Variants in PAPSS1 observed in about 807,000 individuals in gnomAD.
The protein encoded by PAPSS1 is 3'-phosphoadenosine 5'-phosphosulfate synthase 1.
In PAPSS1, 50 loss-of-function variants were observed where a neutral mutation model predicts 72.0. The observed-to-expected ratio is 0.69, with a 90% CI of 0.55 to 0.88. The LOEUF (loss-of-function observed/expected upper bound fraction) is 0.88. Among genes scored for constraint, PAPSS1 ranks in the 40% least tolerant of loss-of-function variants. The pLI is 0.00. For synonymous variants in PAPSS1, 261 were observed against 263.6 expected (o/e 0.99, Z 0.09); for missense variants, 657 against 782.2 (o/e 0.84, Z 1.91).
chr4:107,697,001 G>A (rs1472705672), intron 2 of PAPSS1, among the ~76,000 whole-genome samples: 1 of 152,206 alleles, frequency 6.6e-6, no homozygotes, highest in East Asian at 1.9e-4. Context: ...GTGACACGAT[G>A]ATGTGTGACT....
At chr4:107,626,977 C>T (rs968457154) in intron 11 of PAPSS1, among the ~76,000 whole-genome samples, 2 of 152,158 alleles carry the variant, frequency 1.3e-5, no homozygotes, top group African/African-American at 4.8e-5. Flanking sequence ...ATATAGAATT[C>T]ATCTTTGGAA....
intron 11 of PAPSS1, among the ~76,000 whole-genome samples, chr4:107,630,550 A>C (rs959436628): frequency 6.6e-6 from 1 of 152,006 alleles, no homozygotes; most frequent in South Asian, 2.1e-4. Flanking sequence ...AGTCAATTAA[A>C]CCTCTTTTGT....
intron 3 of PAPSS1, among the ~76,000 whole-genome samples, chr4:107,688,455 C>CT (rs1375098395): frequency 6.6e-6 from 1 of 152,132 alleles, no homozygotes; most frequent in Non-Finnish European, 1.5e-5. Flanking sequence ...GATCTTGTCT[C>CT]TAAAAAAATT....
rs1726234826 is a variant in PAPSS1 at position 107,631,924 on chromosome 4, T to C, written c.1507-64A>G. ...TGACTATGTACTTAGAAATAGTAAGTGGATAATAAATGCATATGCTTTTTA... is the reference window on the plus strand; with the variant it reads ...TGACTATGTACTTAGAAATAGTAAGCGGATAATAAATGCATATGCTTTTTA... On this transcript the variant is annotated intron_variant, in intron 10 of 11. Coordinates refer to ENST00000265174, the MANE Select transcript of PAPSS1 (RefSeq NM_005443.5). 5.1e-6 allele frequency: 5 copies of C among 987,932 alleles called. No individual in the cohort carries two copies. In the South Asian group the frequency reaches 7.8e-5, roughly 15 times the overall value. 61.2% of individuals were successfully genotyped at this position (987,932 alleles called of 1,614,324 possible).
chr4:107,639,676 G>A (rs1193718437), intron 10 of PAPSS1, among the ~76,000 whole-genome samples: 1 of 152,108 alleles, frequency 6.6e-6, no homozygotes, highest in Non-Finnish European at 1.5e-5. Context: ...AGAGTCAAAG[G>A]TACAAGTAAA....
In PAPSS1 at chr4:107,717,167, G is replaced by C. The variant is rs182962179; in HGVS notation, c.60+2953C>G. 1.6e-3 allele frequency among the ~76,000 whole-genome samples: 249 copies of C among 151,952 alleles called. 3 individuals carry two copies. The highest frequency in any genetic ancestry group is 5.7e-3 in the African/African-American group (235 of 41,426). The stretch of plus-strand genomic sequence containing the variant: ...ATTAACATTGAAAAAACACTGAAAT[G>C]ATAGCATTTGGGATATAGTAGGTTA... On this transcript the variant is annotated intron_variant, in intron 1 of 11. Coordinates refer to ENST00000265174, the MANE Select transcript of PAPSS1 (RefSeq NM_005443.5).
intron 2 of PAPSS1, among the ~76,000 whole-genome samples, chr4:107,697,420 G>A (rs552014827): frequency 6.6e-6 from 1 of 152,136 alleles, no homozygotes; most frequent in East Asian, 1.9e-4. Context: ...AAGGTTGTTC[G>A]TTATTTCTTT....
At chr4:107,684,822 G>A (rs548081167) in intron 4 of PAPSS1, among the ~76,000 whole-genome samples, 44 of 152,234 alleles carry the variant, frequency 2.9e-4, no homozygotes, top group African/African-American at 2.2e-4. Context: ...GTGCCTCAAC[G>A]ACCTTGGGCA....
At chr4:107,624,237 G>A (rs1240378834) in intron 11 of PAPSS1, among the ~76,000 whole-genome samples, 1 of 152,128 alleles carries the variant, frequency 6.6e-6, no homozygotes. Context: ...CTCATCTTTT[G>A]GAGCTTAGTG....
intron 2 of PAPSS1, among the ~76,000 whole-genome samples, chr4:107,698,852 AT>A (rs536934733): frequency 7.3e-5 from 11 of 150,244 alleles, no homozygotes; most frequent in South Asian, 6.3e-4. Context: ...AGAGCACCAG[AT>A]TTTTTTTTTA....
intron 1 of PAPSS1, among the ~76,000 whole-genome samples, chr4:107,707,223 T>C (rs1578436599): frequency 6.6e-6 from 1 of 152,154 alleles, no homozygotes; most frequent in Admixed American, 6.5e-5. Context: ...GGCTCTCAGC[T>C]GGTCTGAAAC....
chr4:107,711,882 T>C (rs1723504615), intron 1 of PAPSS1, among the ~76,000 whole-genome samples: 2 of 152,238 alleles, frequency 1.3e-5, no homozygotes, highest in Admixed American at 1.3e-4. Flanking sequence ...CTGGAGGATG[T>C]TGAGAAAACA....
chr4:107,630,482 T>C (rs1355266762), intron 11 of PAPSS1, among the ~76,000 whole-genome samples: 3 of 152,214 alleles, frequency 2.0e-5, no homozygotes, highest in African/African-American at 7.2e-5. Flanking sequence ...TTCTCTTTCC[T>C]GTGGCCATGT....
At position 107,673,420 on chromosome 4, in the gene PAPSS1, G is replaced by T. The variant is rs560786938; in HGVS notation, c.669+8595C>A. 2.8e-4 allele frequency among the ~76,000 whole-genome samples: 43 copies of T among 152,252 alleles called. No homozygotes were observed. The East Asian group carries it at 7.1e-3, about 25-fold the overall frequency. ...TGAGAACTACGTGATGAATGCAGAA[G>T]CCTCAGTAGCCGATTCGATCAACTG... is the stretch of plus-strand genomic sequence containing the variant. On this transcript the variant is annotated intron_variant, in intron 5 of 11. Transcript: ENST00000265174.
intron 1 of PAPSS1, among the ~76,000 whole-genome samples, chr4:107,709,558 GA>G (rs1723432681): frequency 6.6e-6 from 1 of 152,154 alleles, no homozygotes; most frequent in Non-Finnish European, 1.5e-5. Flanking sequence ...CACTATTCCA[GA>G]AGTCACAAGA....
intron 3 of PAPSS1, among the ~76,000 whole-genome samples, chr4:107,689,546 T>A (rs567472176): frequency 6.6e-6 from 1 of 152,200 alleles, no homozygotes; most frequent in Admixed American, 6.5e-5. Flanking sequence ...ATTAAAATCA[T>A]CTCATCAGCT....
intron 1 of PAPSS1, chr4:107,719,868 G>T: frequency 7.4e-7 from 1 of 1,350,690 alleles, no homozygotes; most frequent in South Asian, 1.7e-5. Flanking sequence ...GGGGAGGGGG[G>T]GCGTTCTTCC....
chr4:107,704,228 A>T (rs1723279532), intron 1 of PAPSS1, among the ~76,000 whole-genome samples: 1 of 152,212 alleles, frequency 6.6e-6, no homozygotes, highest in Non-Finnish European at 1.5e-5. Context: ...TATTTATTCT[A>T]ACAGTCTTCT....
At chr4:107,681,101 T>G (rs1393248748) in intron 5 of PAPSS1, among the ~76,000 whole-genome samples, 3 of 152,104 alleles carry the variant, frequency 2.0e-5, no homozygotes. Context: ...ATATATCCAG[T>G]AAGATACACT....
Sources: allele counts gnomAD v4.1 joint callset (sites outside exome capture counted in the v4.1 genomes callset), GRCh38; gene constraint gnomAD v4.1.1; transcripts MANE v1.5; gene names NCBI Gene and HGNC (gene_info 2026-07-23, HGNC 2026-07-21).